POLQ: variants seen among roughly 807,000 people sequenced by gnomAD.
POLQ encodes the protein DNA polymerase theta.
A neutral mutation model predicts 259.2 loss-of-function variants in POLQ; 233 were observed. That is an observed-to-expected ratio of 0.90 (90% CI 0.81 to 1.00). The LOEUF is 1.00. Ranked by LOEUF, POLQ falls within the 50% of genes least tolerant of loss-of-function variation. The pLI, the probability that POLQ is intolerant of heterozygous loss-of-function variation, is 0.00. For missense variants in POLQ, 2,871 were observed against 3,051.6 expected, an observed-to-expected ratio of 0.94 and a Z score of 1.39; for synonymous variants, 1,025 against 1,048.8, an observed-to-expected ratio of 0.98 and a Z score of 0.44.
At chr3:121,533,340 A>T (rs2048425890) in intron 5 of POLQ, 131 bp from the exon 6 acceptor site, 2 of 479,710 alleles carry the variant, frequency 4.2e-6, no homozygotes, top group Non-Finnish European at 7.2e-6. Flanking sequence ...ATACCTAAGA[A>T]TAAAATTACT....
chr3:121,495,766 A>T (rs562933543), intron 14 of POLQ, among the ~76,000 whole-genome samples: 1 of 147,734 alleles, frequency 6.8e-6, no homozygotes, highest in South Asian at 2.2e-4. Flanking sequence ...GCAGAATGGC[A>T]TTAACCTGGG....
chr3:121,447,273 C>T (rs547981094), intron 26 of POLQ, among the ~76,000 whole-genome samples: 14 of 149,918 alleles, frequency 9.3e-5, no homozygotes, highest in South Asian at 4.2e-4. Context: ...TGGGTTCAAG[C>T]GATTCTTTCA....
At position 121,520,284 on chromosome 3, in the gene POLQ, C is replaced by T. The variant is rs1411047290; in HGVS notation, c.1256-201G>A. Reference sequence around the variant, plus strand: ...GGCGCGGTGGCTCATGTCTGTAATCCCAGCAGTGTGGGAGGCTGAGGCAGG... The same window carrying T: ...GGCGCGGTGGCTCATGTCTGTAATCTCAGCAGTGTGGGAGGCTGAGGCAGG... On this transcript the variant is annotated intron_variant, in intron 8 of 29. Coordinates refer to ENST00000264233, the MANE Select transcript of POLQ (RefSeq NM_199420.4). 2.0e-5 allele frequency among the ~76,000 whole-genome samples: 3 copies of T among 151,988 alleles called. No homozygotes were observed. The East Asian group carries it at 5.8e-4, about 29-fold the overall frequency.
chr3:121,519,193 G>A (rs1162730859), intron 9 of POLQ, among the ~76,000 whole-genome samples: 1 of 151,920 alleles, frequency 6.6e-6, no homozygotes, highest in Non-Finnish European at 1.5e-5. Context: ...ATTAACATCT[G>A]TGAAAATTAA....
chr3:121,532,937 A>C (rs2048421759), intron 6 of POLQ, 53 bp downstream of exon 6: 5 of 1,142,500 alleles, frequency 4.4e-6, no homozygotes, highest in Non-Finnish European at 6.3e-6. Flanking sequence ...TTGCTAGAAA[A>C]TGAAATCAAA....
At chr3:121,454,715 G>A (rs915955147) in intron 25 of POLQ, among the ~76,000 whole-genome samples, 35 of 152,194 alleles carry the variant, frequency 2.3e-4, no homozygotes, top group Non-Finnish European at 4.6e-4. Flanking sequence ...CAATACAGGA[G>A]CACCCAGATT....
At chr3:121,501,980 A>G (rs758810613) in intron 12 of POLQ, among the ~76,000 whole-genome samples, 2 of 144,798 alleles carry the variant, frequency 1.4e-5, no homozygotes, top group Non-Finnish European at 3.0e-5. Flanking sequence ...ACAGAATGAG[A>G]CTCTGTCTCC....
chr3:121,536,096 T>C (rs1178090287), intron 5 of POLQ, among the ~76,000 whole-genome samples: 1 of 152,178 alleles, frequency 6.6e-6, no homozygotes, highest in Admixed American at 6.5e-5. Flanking sequence ...AAGACAGTTA[T>C]TAATTTCAGA....
chr3:121,452,407 C>T (rs1165592553), intron 25 of POLQ, among the ~76,000 whole-genome samples: 1 of 152,094 alleles, frequency 6.6e-6, no homozygotes, highest in African/African-American at 2.4e-5. Flanking sequence ...ATTCGGCCAT[C>T]TTGGAACTGC....
At position 121,488,035 on chromosome 3, in the gene POLQ, T is replaced by C. The variant is rs2048028753; in HGVS notation, c.4896A>G (p.Ser1632=). ...CTGGACTTAGATCAAATGATGCCCC[T>C]GACCATATGAATGAATGATTTTGCC... ...GTRQNHSFIW[S]GASFDLSPGL... is the part of the protein sequence containing the mutation. Residue 1632 remains serine (S), a synonymous_variant, in exon 16 of 30, where the codon TCA becomes TCG. Coordinates refer to ENST00000264233, the MANE Select transcript of POLQ (RefSeq NM_199420.4). 3.7e-6 allele frequency: 6 copies of C among 1,613,802 alleles called. No individual in the cohort carries two copies. The highest frequency in any genetic ancestry group is 5.1e-6 in the Non-Finnish European group (6 of 1,179,822).
At chr3:121,444,354 T>C (rs2047616473) in intron 26 of POLQ, among the ~76,000 whole-genome samples, 1 of 152,182 alleles carries the variant, frequency 6.6e-6, no homozygotes, top group Non-Finnish European at 1.5e-5. Flanking sequence ...TTTGTGGCTA[T>C]TATAAATGAG....
At chr3:121,541,736 A>C (rs1260919196) in intron 2 of POLQ, among the ~76,000 whole-genome samples, 2 of 152,192 alleles carry the variant, frequency 1.3e-5, no homozygotes, top group Admixed American at 6.5e-5. Context: ...CCTAGTTTAT[A>C]CCTAAAGATC....
intron 26 of POLQ, among the ~76,000 whole-genome samples, chr3:121,446,287 T>C (rs1016429386): frequency 1.3e-5 from 2 of 152,362 alleles, no homozygotes; most frequent in African/African-American, 4.8e-5. Context: ...TATTCCATTA[T>C]GGTCACAGTA....
intron 12 of POLQ, among the ~76,000 whole-genome samples, chr3:121,508,258 C>T (rs548547757): frequency 7.9e-5 from 12 of 152,134 alleles, no homozygotes; most frequent in East Asian, 1.9e-4. Flanking sequence ...ACAGTCTTCA[C>T]GTTTTAGAGA....
Position 121,488,297 on chromosome 3 carries a change from T to C in POLQ, c.4634A>G (p.His1545Arg). The change falls in exon 16 of 30, where the codon CAC (histidine) becomes CGC (arginine). Residue 1545 changes from histidine (H) to arginine (R), a missense_variant. Coordinates refer to ENST00000264233, the MANE Select transcript of POLQ (RefSeq NM_199420.4). ...ATCATTGGAACAAGTCAACTGCTGG[T>C]GGGTATCTTGATTCTCATTTACATT... ...KSNVNENQDT[H>R]QQLTCSNDES... The C allele has an allele frequency of 6.2e-7, 1 of 1,612,588 alleles. No homozygotes were observed. Among genetic ancestry groups the C allele is most frequent in the Non-Finnish European group, 8.5e-7 (1 of 1,179,300 alleles).
intron 26 of POLQ, 73 bp from the exon 27 acceptor site, chr3:121,440,189 G>A: frequency 4.4e-6 from 5 of 1,146,430 alleles, no homozygotes; most frequent in South Asian, 2.8e-5. Flanking sequence ...GCTTAAATAT[G>A]GCAAAATACA....
At chr3:121,484,044 C>T (rs979542713) in intron 17 of POLQ, among the ~76,000 whole-genome samples, 17 of 152,046 alleles carry the variant, frequency 1.1e-4, no homozygotes, top group Middle Eastern at 3.4e-3. Flanking sequence ...AAGGAACAGA[C>T]ACTATACAGC....
chr3:121,526,955 GCA>G (rs1047352924), intron 7 of POLQ, among the ~76,000 whole-genome samples: 3 of 152,208 alleles, frequency 2.0e-5, no homozygotes, highest in African/African-American at 7.2e-5. Context: ...ACTGAGCTGA[GCA>G]CAGTGGCACG....
At chr3:121,442,497 T>C (rs1418016819) in intron 26 of POLQ, among the ~76,000 whole-genome samples, 1 of 152,214 alleles carries the variant, frequency 6.6e-6, no homozygotes, top group Non-Finnish European at 1.5e-5. Context: ...ACGAGTTCAA[T>C]TGCTTTAATT....
Sources: gnomAD v4.1 joint callset for allele counts (sites outside exome capture counted in the v4.1 genomes callset) on GRCh38, gnomAD v4.1.1 for gene constraint, MANE v1.5 for transcripts, NCBI Gene and HGNC (gene_info 2026-07-23, HGNC 2026-07-21) for gene names.